PDLIM5: variants seen among roughly 807,000 people sequenced by gnomAD.
The protein encoded by PDLIM5 is PDZ and LIM domain 5.
PDLIM5 carries 34 observed loss-of-function variants against 64.2 expected under a neutral mutation model. The ratio of observed to expected loss-of-function variants is 0.53; its 90% CI spans 0.40 to 0.71. The LOEUF (loss-of-function observed/expected upper bound fraction) is 0.71. Ranked by LOEUF, PDLIM5 falls within the 30% of genes least tolerant of loss-of-function variation. The pLI, the probability that PDLIM5 is intolerant of heterozygous loss-of-function variation, is 0.00. For missense variants in PDLIM5, 683 were observed against 733.6 expected (o/e 0.93, Z 0.80); for synonymous variants, 253 against 269.1 (o/e 0.94, Z 0.59).
chr4:94,513,303 T>G (rs1729064467), intron 2 of PDLIM5, among the ~76,000 whole-genome samples: 2 of 152,348 alleles, frequency 1.3e-5, no homozygotes, highest in Admixed American at 1.3e-4. Context: ...TTCCATTGAA[T>G]TTATAGATTG....
rs982604704 is a variant in PDLIM5, at chr4:94,662,510, C to A, written c.1674C>A (p.Thr558=). 6.3e-7 allele frequency: 1 copy of A among 1,595,194 alleles called. No individual in the cohort carries two copies. The highest frequency in any genetic ancestry group is 2.2e-5 in the East Asian group (1 of 44,760). The change falls in exon 12 of 13, where the codon ACC becomes ACA. Residue 558 remains threonine, a synonymous_variant. Transcript: ENST00000317968. ...TGTTCCTGGAAGCTCTGGGCTACAC[C>A]TGGCATGACACTTGCTTTGTATGCT... is the stretch of plus-strand genomic sequence containing the variant. ...GDMFLEALGY[T]WHDTCFVCSV...
intron 5 of PDLIM5, among the ~76,000 whole-genome samples, chr4:94,576,789 A>G (rs1735302717): frequency 6.6e-6 from 1 of 152,216 alleles, no homozygotes; most frequent in Non-Finnish European, 1.5e-5. Context: ...TTTATTAAAA[A>G]AATTGGTTGA....
intron 7 of PDLIM5, among the ~76,000 whole-genome samples, chr4:94,589,736 CT>C (rs372484857): frequency 1.7e-5 from 1 of 59,568 alleles, no homozygotes; most frequent in Non-Finnish European, 4.2e-5. Flanking sequence ...TTCTTTCTTT[CT>C]TTTCTTTTCT....
At chr4:94,629,604 T>G (rs1268682881) in intron 8 of PDLIM5, among the ~76,000 whole-genome samples, 1 of 152,206 alleles carries the variant, frequency 6.6e-6, no homozygotes, top group East Asian at 1.9e-4. Context: ...ACACTCACTT[T>G]AATTAAGATA....
intron 2 of PDLIM5, among the ~76,000 whole-genome samples, chr4:94,516,770 G>A (rs2452567): frequency 0.33 from 50,761 of 151,898 alleles, 8,608 homozygotes; most frequent in Middle Eastern, 0.4. Context: ...GGGCTCAAGC[G>A]ATCCTCCCAC....
chr4:94,577,190 C>G (rs1735342571), intron 5 of PDLIM5: 1 of 457,022 alleles, frequency 2.2e-6, no homozygotes, highest in African/African-American at 2.0e-5. Context: ...GTCTACAGGC[C>G]TGATGGTTTT....
At chr4:94,640,773 C>A (rs1321590685) in intron 9 of PDLIM5, among the ~76,000 whole-genome samples, 1 of 152,024 alleles carries the variant, frequency 6.6e-6, no homozygotes, top group African/African-American at 2.4e-5. Flanking sequence ...CCCTGAAAGT[C>A]ATTTATCCTA....
chr4:94,496,410 G>A (rs1461384617), intron 2 of PDLIM5, among the ~76,000 whole-genome samples: 2 of 152,066 alleles, frequency 1.3e-5, no homozygotes, highest in Non-Finnish European at 2.9e-5. Context: ...AATCATTTGG[G>A]GGCTGCTTTC....
At chr4:94,585,422 C>A (rs761776435) in intron 5 of PDLIM5, 143 bp from the exon 6 acceptor site, 23 of 534,160 alleles carry the variant, frequency 4.3e-5, no homozygotes, top group Non-Finnish European at 6.5e-5. Context: ...AACTTGAGAC[C>A]GAATATACTT....
At chr4:94,454,731 C>G (rs1723173527) in intron 1 of PDLIM5, among the ~76,000 whole-genome samples, 1 of 152,190 alleles carries the variant, frequency 6.6e-6, no homozygotes, top group Non-Finnish European at 1.5e-5. Flanking sequence ...AAAACAGCTT[C>G]TCATTGTAAA....
At chr4:94,597,634 C>T (rs1020539672) in intron 7 of PDLIM5, among the ~76,000 whole-genome samples, 2 of 151,988 alleles carry the variant, frequency 1.3e-5, no homozygotes, top group Non-Finnish European at 2.9e-5. Flanking sequence ...TCTCACTAGA[C>T]TCTTTTTCTT....
At chr4:94,517,547 T>C (rs564677356) in intron 2 of PDLIM5, among the ~76,000 whole-genome samples, 2 of 152,352 alleles carry the variant, frequency 1.3e-5, no homozygotes, top group African/African-American at 4.8e-5. Flanking sequence ...TCTTCAAATT[T>C]TGGTAACAGC....
At chr4:94,661,177 T>A (rs1011325454) in intron 11 of PDLIM5, among the ~76,000 whole-genome samples, 4 of 152,166 alleles carry the variant, frequency 2.6e-5, no homozygotes, top group Non-Finnish European at 5.9e-5. Flanking sequence ...TCACTTGAGG[T>A]CATGAGTTCA....
chr4:94,654,871 G>GT (rs1397903551), intron 10 of PDLIM5, among the ~76,000 whole-genome samples: 2 of 152,110 alleles, frequency 1.3e-5, no homozygotes, highest in Non-Finnish European at 2.9e-5. Context: ...GGCTTGTCTG[G>GT]TGAAAGTCTA....
intron 2 of PDLIM5, among the ~76,000 whole-genome samples, chr4:94,464,821 T>C (rs1055549434): frequency 2.6e-5 from 4 of 152,248 alleles, no homozygotes; most frequent in Admixed American, 6.5e-5. Context: ...TGTCCAGTTC[T>C]CTGAGTGATT....
chr4:94,639,572 T>C (rs944564183), intron 8 of PDLIM5, among the ~76,000 whole-genome samples: 2 of 152,212 alleles, frequency 1.3e-5, no homozygotes, highest in African/African-American at 4.8e-5. Context: ...TGTAGCTGCC[T>C]TCTATTCCTG....
At chr4:94,471,074 C>T (rs1251680146) in intron 2 of PDLIM5, among the ~76,000 whole-genome samples, 1 of 152,090 alleles carries the variant, frequency 6.6e-6, no homozygotes, top group Non-Finnish European at 1.5e-5. Flanking sequence ...AAAGACCCGC[C>T]CCCATCATTC....
intron 2 of PDLIM5, among the ~76,000 whole-genome samples, chr4:94,494,858 C>T (rs189983839): frequency 2.0e-5 from 3 of 152,208 alleles, no homozygotes; most frequent in Admixed American, 6.5e-5. Flanking sequence ...AAGCGATTCT[C>T]CTGCCTTAGC....
At chr4:94,654,747 C>A in intron 10 of PDLIM5, 107 bp downstream of exon 10, 1 of 710,856 alleles carries the variant, frequency 1.4e-6, no homozygotes, top group Non-Finnish European at 2.4e-6. Context: ...TTGCTTTATG[C>A]CCTCTCTGCT....
Sources: gnomAD v4.1 joint callset for allele counts (sites outside exome capture counted in the v4.1 genomes callset) on GRCh38, gnomAD v4.1.1 for gene constraint, MANE v1.5 for transcripts, NCBI Gene and HGNC (gene_info 2026-07-23, HGNC 2026-07-21) for gene names.